Variants in DNM3 observed in about 807,000 individuals in gnomAD.
DNM3 encodes the protein dynamin 3.
A neutral mutation model predicts 101.6 loss-of-function variants in DNM3; 47 were observed. The ratio of observed to expected loss-of-function variants is 0.46; its 90% CI spans 0.37 to 0.59. The LOEUF (loss-of-function observed/expected upper bound fraction) is 0.59, where lower values mean the gene tolerates loss of function less well. Ranked by LOEUF, DNM3 falls within the 20% of genes least tolerant of loss-of-function variation. DNM3 has a pLI of 0.00. For missense variants in DNM3, 849 were observed against 1,085.7 expected (o/e 0.78, Z 3.06); for synonymous variants, 385 against 387.9 (o/e 0.99, Z 0.09).
At position 172,411,211 on chromosome 1, in the gene DNM3, A is replaced by G. The variant is rs992306726; in HGVS notation, c.*3370A>G. ...CAGATAGCTTTGAATGATCTGCCAT[A>G]ACATGTGGTAACAATAGTTCATTTC... On this transcript the variant is annotated 3_prime_UTR_variant, in exon 21 of 21. Transcript: ENST00000627582. 5 of 985,250 alleles carry G rather than the reference A, an allele frequency of 5.1e-6. No individual in the cohort carries two copies. The highest frequency in any genetic ancestry group is 6.0e-6 in the Non-Finnish European group (5 of 829,772). 61.0% of individuals were successfully genotyped at this position (985,250 alleles called of 1,614,324 possible). A position where few individuals can be genotyped will look rare whatever the true frequency, so the allele number is the denominator to read the frequency against.
chr1:172,065,817 G>A (rs538866508), intron 10 of DNM3, among the ~76,000 whole-genome samples: 1 of 152,248 alleles, frequency 6.6e-6, no homozygotes, highest in South Asian at 2.1e-4. Context: ...GGAAAATGTA[G>A]ATAAATAAAA....
chr1:171,987,008 G>A (rs2045310028), intron 2 of DNM3, among the ~76,000 whole-genome samples: 1 of 151,974 alleles, frequency 6.6e-6, no homozygotes, highest in African/African-American at 2.4e-5. Flanking sequence ...TATTTATGTA[G>A]TTATTTTAGT....
chr1:172,226,623 T>C (rs1462234460), intron 14 of DNM3, among the ~76,000 whole-genome samples: 2 of 152,166 alleles, frequency 1.3e-5, no homozygotes, highest in Non-Finnish European at 2.9e-5. Context: ...CGATGATAAA[T>C]ACCTACTTCA....
intron 13 of DNM3, among the ~76,000 whole-genome samples, chr1:172,112,681 G>T (rs577638260): frequency 6.6e-6 from 1 of 152,300 alleles, no homozygotes; most frequent in African/African-American, 2.4e-5. Flanking sequence ...ACAGAGGGGA[G>T]AATTTAATAG....
intron 4 of DNM3, among the ~76,000 whole-genome samples, chr1:171,994,954 G>C (rs544370933): frequency 6.6e-6 from 1 of 152,016 alleles, no homozygotes; most frequent in African/African-American, 2.4e-5. Context: ...ACCCCATTCT[G>C]TCCCCTCCAG....
chr1:172,005,540 G>A (rs185391109), intron 4 of DNM3, among the ~76,000 whole-genome samples: 45 of 152,012 alleles, frequency 3.0e-4, no homozygotes, highest in Middle Eastern at 3.4e-3. Flanking sequence ...AAGGCTCCTT[G>A]CACATTGATG....
intron 1 of DNM3, among the ~76,000 whole-genome samples, chr1:171,908,042 A>G (rs1202166613): frequency 6.6e-6 from 1 of 152,218 alleles, no homozygotes; most frequent in African/African-American, 2.4e-5. Flanking sequence ...AATGGAAATA[A>G]AAGTTTTATA....
intron 15 of DNM3, among the ~76,000 whole-genome samples, chr1:172,298,353 G>A (rs961030414): frequency 6.6e-6 from 1 of 152,174 alleles, no homozygotes; most frequent in Non-Finnish European, 1.5e-5. Flanking sequence ...GTGTGGGAAG[G>A]CACAGATGTC....
intron 14 of DNM3, among the ~76,000 whole-genome samples, chr1:172,142,495 G>GGA (rs1240256499): frequency 1.3e-5 from 2 of 152,030 alleles, no homozygotes; most frequent in African/African-American, 4.8e-5. Context: ...AGCATGTGCA[G>GGA]GAACTCCTTG....
At chr1:172,249,481 A>G (rs1206133764) in intron 14 of DNM3, among the ~76,000 whole-genome samples, 1 of 152,108 alleles carries the variant, frequency 6.6e-6, no homozygotes, top group East Asian at 1.9e-4. Context: ...TGATGCTCTC[A>G]TGTTCCCTCT....
At chr1:172,288,388 T>C (rs1000557633) in intron 15 of DNM3, among the ~76,000 whole-genome samples, 1 of 152,126 alleles carries the variant, frequency 6.6e-6, no homozygotes, top group Admixed American at 6.5e-5. Context: ...ATGGAACTGA[T>C]AGCTGGAGCC....
intron 4 of DNM3, among the ~76,000 whole-genome samples, chr1:171,997,942 A>G (rs935366178): frequency 4.6e-5 from 7 of 152,162 alleles, no homozygotes; most frequent in African/African-American, 1.4e-4. Context: ...GCATATATTA[A>G]TTCAAGTGAA....
At chr1:172,324,151 C>T (rs1280544026) in intron 17 of DNM3, among the ~76,000 whole-genome samples, 2 of 152,104 alleles carry the variant, frequency 1.3e-5, no homozygotes, top group African/African-American at 2.4e-5. Context: ...GATGGTCTTA[C>T]GTTTAGTTGG....
chr1:172,171,379 G>T (rs17361920), intron 14 of DNM3, among the ~76,000 whole-genome samples: 1 of 151,628 alleles, frequency 6.6e-6, no homozygotes, highest in African/African-American at 2.4e-5. Context: ...ATTGAATGCT[G>T]TATGATAAAA....
At chr1:171,952,488 G>C (rs983590661) in intron 2 of DNM3, among the ~76,000 whole-genome samples, 6 of 152,094 alleles carry the variant, frequency 3.9e-5, no homozygotes, top group African/African-American at 1.2e-4. Context: ...CTCTAAGAGG[G>C]AGGGGGTGTA....
Position 171,970,515 on chromosome 1 carries a change from G to GT in DNM3, c.236-17136dup, listed in dbSNP as rs778419085. ...TGTTAAGAATAAGTATATAAAATGTGTTTTTGGATTCAAATTTTATTTTAA... is the reference window on the plus strand; with the variant it reads ...TGTTAAGAATAAGTATATAAAATGTGTTTTTTGGATTCAAATTTTATTTTAA... On this transcript the variant is annotated intron_variant, in intron 2 of 20. Transcript: ENST00000627582. Among the ~76,000 whole-genome samples the GT allele has an allele frequency of 2.6e-4, 39 of 152,064 alleles. No individual in the cohort carries two copies. The South Asian group carries it at 2.7e-3, about 11-fold the overall frequency.
chr1:171,915,356 A>T (rs1311674492), intron 1 of DNM3, among the ~76,000 whole-genome samples: 1 of 152,186 alleles, frequency 6.6e-6, no homozygotes, highest in Non-Finnish European at 1.5e-5. Flanking sequence ...CTCAAATTAG[A>T]TGCAGGGAAA....
chr1:171,964,139 A>G (rs2043406941), intron 2 of DNM3, among the ~76,000 whole-genome samples: 1 of 152,182 alleles, frequency 6.6e-6, no homozygotes, highest in Admixed American at 6.6e-5. Flanking sequence ...ATATTTTGAA[A>G]TGGCCCTGCA....
chr1:172,209,342 T>C (rs1471313761), intron 14 of DNM3, among the ~76,000 whole-genome samples: 1 of 151,936 alleles, frequency 6.6e-6, no homozygotes, highest in Non-Finnish European at 1.5e-5. Flanking sequence ...GAGAAAATCA[T>C]TTTACATTGT....
Sources: gnomAD v4.1 joint callset for allele counts (sites outside exome capture counted in the v4.1 genomes callset) on GRCh38, gnomAD v4.1.1 for gene constraint, MANE v1.5 for transcripts, NCBI Gene and HGNC (gene_info 2026-07-23, HGNC 2026-07-21) for gene names.